NXN: variants seen among roughly 807,000 people sequenced by gnomAD.
NXN encodes nucleoredoxin 1.
In NXN, 16 loss-of-function variants were observed where a neutral mutation model predicts 48.6. The ratio of observed to expected loss-of-function variants is 0.33; its 90% CI spans 0.22 to 0.50. The LOEUF (loss-of-function observed/expected upper bound fraction) is 0.50. Ranked by LOEUF, NXN falls within the 20% of genes least tolerant of loss-of-function variation. The probability of loss-of-function intolerance (pLI) is 0.98; values close to 1 mark genes in which losing one functional copy is unlikely to be tolerated. For synonymous variants in NXN, 281 were observed against 269.6 expected, an observed-to-expected ratio of 1.04 and a Z score of -0.41; for missense variants, 492 against 605.5, an observed-to-expected ratio of 0.81 and a Z score of 1.97.
intron 1 of NXN, among the ~76,000 whole-genome samples, chr17:944,127 T>C (rs1347451142): frequency 7.0e-6 from 1 of 143,342 alleles, no homozygotes; most frequent in Admixed American, 7.0e-5. Flanking sequence ...TAATCCCAGC[T>C]ACTCGGGAGG....
At chr17:924,924 C>T (rs1294656845) in intron 1 of NXN, among the ~76,000 whole-genome samples, 3 of 152,222 alleles carry the variant, frequency 2.0e-5, no homozygotes, top group Admixed American at 2.0e-4. Context: ...GGAGACAGGC[C>T]TGGGTGGCAA....
chr17:884,338 G>A (rs1055788477), intron 1 of NXN, among the ~76,000 whole-genome samples: 5 of 152,144 alleles, frequency 3.3e-5, no homozygotes, highest in African/African-American at 1.2e-4. Flanking sequence ...CCAGAAGTTT[G>A]AGGTGACAGT....
chr17:836,046 C>T (rs1442166900), intron 1 of NXN, among the ~76,000 whole-genome samples: 1 of 91,104 alleles, frequency 1.1e-5, no homozygotes, highest in East Asian at 3.1e-4. Flanking sequence ...GGAAAAACAC[C>T]GGTGGGATTC....
chr17:974,357 G>C (rs897254212), intron 1 of NXN, among the ~76,000 whole-genome samples: 1 of 151,418 alleles, frequency 6.6e-6, no homozygotes, highest in African/African-American at 2.4e-5. Flanking sequence ...TCTCAAAAAA[G>C]TATATAGATA....
intron 3 of NXN, among the ~76,000 whole-genome samples, chr17:823,145 T>A (rs1432538126): frequency 7.1e-6 from 1 of 140,132 alleles, no homozygotes; most frequent in African/African-American, 2.7e-5. Flanking sequence ...ATGCTTGTAA[T>A]CCCAGCACTT....
At chr17:809,915 CGTTAAGAGTCCG>C in intron 5 of NXN, among the ~76,000 whole-genome samples, 3 of 143,864 alleles carry the variant, frequency 2.1e-5, no homozygotes, top group Admixed American at 1.4e-4. Context: ...GTGCCGTGCA[CGTTAAGAGTCCG>C]TGTGAGTGGC....
intron 1 of NXN, among the ~76,000 whole-genome samples, chr17:864,699 C>T (rs2068079177): frequency 6.6e-6 from 1 of 152,122 alleles, no homozygotes; most frequent in Non-Finnish European, 1.5e-5. Flanking sequence ...TAAGAGAAAC[C>T]ATCATGACCC....
rs2068864064 is a variant in NXN at position 932,403 on chromosome 17, G to C, written c.360+46916C>G. Among the ~76,000 whole-genome samples, 1 of 152,142 alleles carries C rather than the reference G, an allele frequency of 6.6e-6. No homozygotes were observed. Among genetic ancestry groups the C allele is most frequent in the African/African-American group, 2.4e-5 (1 of 41,440 alleles). On this transcript the variant is annotated intron_variant, in intron 1 of 7. Coordinates refer to ENST00000336868, the MANE Select transcript of NXN (RefSeq NM_022463.5). The surrounding 1 kb of genome is among the most constrained non-coding windows in gnomAD (Gnocchi z 4.1). Reference sequence around the variant, plus strand: ...TACCAAGTCAAGAACTCTGGGATGGGGCCCAGGAATCCGCATTTAACCAGT... The same window carrying C: ...TACCAAGTCAAGAACTCTGGGATGGCGCCCAGGAATCCGCATTTAACCAGT...
chr17:893,171 C>A (rs540212132), intron 1 of NXN, among the ~76,000 whole-genome samples: 1 of 152,368 alleles, frequency 6.6e-6, no homozygotes, highest in East Asian at 1.9e-4. Context: ...TCCAGCAGGG[C>A]AATGCTCTCG....
intron 1 of NXN, among the ~76,000 whole-genome samples, chr17:886,322 G>T (rs576443939): frequency 1.3e-5 from 2 of 152,192 alleles, no homozygotes; most frequent in East Asian, 3.9e-4. Context: ...CAAGCAGAAG[G>T]TTCTCTAACA....
chr17:846,867 TG>T (rs760585594), intron 1 of NXN, among the ~76,000 whole-genome samples: 1 of 150,342 alleles, frequency 6.7e-6, no homozygotes, highest in South Asian at 2.1e-4. Context: ...AGAAAAATGG[TG>T]GGGGTGGAGG....
chr17:947,603 C>G (rs184303485), intron 1 of NXN, among the ~76,000 whole-genome samples: 5 of 151,708 alleles, frequency 3.3e-5, no homozygotes, highest in African/African-American at 4.8e-5. Context: ...AGTGGTGGCA[C>G]GTGCCTGTAA....
chr17:905,755 C>T lies in NXN; in HGVS notation c.360+73564G>A, dbSNP rs551754390. 1.8e-4 allele frequency among the ~76,000 whole-genome samples: 28 copies of T among 152,052 alleles called. No homozygotes were observed. In the South Asian group the frequency reaches 5.4e-3, roughly 29 times the overall value. ...ACTTTGACAGGCTGAGGCGGGAGGA[C>T]TGCTTGAGCCCAGGAGTTTGAGATC... On this transcript the variant is annotated intron_variant, in intron 1 of 7. Coordinates refer to ENST00000336868, the MANE Select transcript of NXN (RefSeq NM_022463.5).
chr17:955,879 G>A (rs1471747459), intron 1 of NXN, among the ~76,000 whole-genome samples: 4 of 150,924 alleles, frequency 2.7e-5, no homozygotes, highest in South Asian at 2.1e-4. Context: ...TCCAGCCTGG[G>A]CGACAGAGCG....
At position 808,887 on chromosome 17, in the gene NXN, A is replaced by G. The variant is rs980022044; in HGVS notation, c.821-3640T>C. 4.7e-5 allele frequency among the ~76,000 whole-genome samples: 7 copies of G among 150,454 alleles called. No individual in the cohort carries two copies. In the South Asian group the frequency reaches 6.3e-4, roughly 14 times the overall value. On this transcript the variant is annotated intron_variant, in intron 5 of 7. Coordinates refer to ENST00000336868, the MANE Select transcript of NXN (RefSeq NM_022463.5). ...AGACGGGGTTTCACCATGTTGGCCA[A>G]GCTGGTCTCAAACTCCTGACCTCAA...
intron 5 of NXN, among the ~76,000 whole-genome samples, chr17:812,809 T>C (rs1320887180): frequency 6.7e-6 from 1 of 149,012 alleles, no homozygotes; most frequent in Non-Finnish European, 1.5e-5. Context: ...TGCGTGAGTG[T>C]AGGTGTGTGT....
At chr17:889,735 GAAAGAAAGAAAGAAAGAAAGAAAGAA>G (rs1164935875) in intron 1 of NXN, among the ~76,000 whole-genome samples, 870 of 78,720 alleles carry the variant, frequency 0.011, 28 homozygotes, top group African/African-American at 0.017. Context: ...AAGAAAGAAA[GAAAGAAAGAAAGAAAGAAAGAAAGAA>G]AAAGAAAGAA....
Position 819,540 on chromosome 17 carries a change from T to A in NXN, c.719A>T (p.Glu240Val). The change falls in exon 5 of 8, where the codon GAG becomes GTG. Residue 240 changes from glutamate (E) to valine (V), a missense_variant. Coordinates refer to ENST00000336868, the MANE Select transcript of NXN (RefSeq NM_022463.5). The stretch of plus-strand genomic sequence containing the variant: ...ACTGAAGTACTGTTTGAAGGACTCC[T>A]CCGACCTACAGAGAGACACACGTGG... ...EIIFVSADRS[E>V]ESFKQYFSEM... 1 of 1,598,360 alleles carries A rather than the reference T, an allele frequency of 6.3e-7. No homozygotes were observed. Among genetic ancestry groups the A allele is most frequent in the East Asian group, 2.2e-5 (1 of 44,556 alleles).
intron 1 of NXN, among the ~76,000 whole-genome samples, chr17:827,258 C>A (rs796292394): frequency 2.4e-4 from 37 of 151,836 alleles, no homozygotes; most frequent in African/African-American, 8.7e-4. Flanking sequence ...GTGGGTGGAT[C>A]ATGAGGTCAG....
Sources: allele counts gnomAD v4.1 joint callset (sites outside exome capture counted in the v4.1 genomes callset), GRCh38; gene constraint gnomAD v4.1.1; non-coding constraint Gnocchi (gnomAD v3.1); transcripts MANE v1.5; gene names NCBI Gene and HGNC (gene_info 2026-07-23, HGNC 2026-07-21).